The following EPHA6 variants were observed in gnomAD, a reference collection of about 807,000 sequenced individuals.
The protein encoded by EPHA6 is ephrin type-A receptor 6.
In EPHA6, 50 loss-of-function variants were observed where a neutral mutation model predicts 112.0. The ratio of observed to expected loss-of-function variants is 0.45; its 90% confidence interval spans 0.36 to 0.56. The LOEUF is 0.56. Ranked by LOEUF, EPHA6 falls within the 20% of genes least tolerant of loss-of-function variation. The pLI is 0.00. For synonymous variants in EPHA6, 529 were observed against 490.7 expected (o/e 1.08, Z -1.03); for missense variants, 1,280 against 1,417.4 (o/e 0.90, Z 1.56).
intron 14 of EPHA6, among the ~76,000 whole-genome samples, chr3:97,657,638 A>G (rs1359235877): frequency 6.6e-6 from 1 of 151,782 alleles, no homozygotes; most frequent in African/African-American, 2.4e-5. Flanking sequence ...TGACCACTCT[A>G]TTTTACAGAA....
At chr3:97,638,254 A>C (rs2093967810) in intron 14 of EPHA6, among the ~76,000 whole-genome samples, 172 bp downstream of exon 14, 1 of 152,188 alleles carries the variant, frequency 6.6e-6, no homozygotes, top group Non-Finnish European at 1.5e-5. Context: ...GTTTATAACA[A>C]CAACAACAAA....
chr3:97,188,319 G>T (rs191189971), intron 3 of EPHA6, among the ~76,000 whole-genome samples: 262 of 151,932 alleles, frequency 1.7e-3, no homozygotes, highest in African/African-American at 6.0e-3. Flanking sequence ...GATAACTCAA[G>T]AATTAATGTA....
intron 3 of EPHA6, among the ~76,000 whole-genome samples, chr3:97,126,718 TAA>T (rs35157365): frequency 0.021 from 3,161 of 148,414 alleles, 109 homozygotes; most frequent in African/African-American, 0.071. Context: ...TCACCTGTGT[TAA>T]AAAAAAAAAA....
At chr3:97,707,514 G>A (rs1485746974) in intron 14 of EPHA6, among the ~76,000 whole-genome samples, 1 of 152,178 alleles carries the variant, frequency 6.6e-6, no homozygotes, top group Non-Finnish European at 1.5e-5. Context: ...TTTTAGAAAT[G>A]AGAAAAGTTG....
At chr3:96,824,764 G>C (rs58619976) in intron 1 of EPHA6, among the ~76,000 whole-genome samples, 3,447 of 151,994 alleles carry the variant, frequency 0.023, 138 homozygotes, top group African/African-American at 0.079. Context: ...TGTTCTTAAG[G>C]ATATAGGAAT....
chr3:97,427,136 A>C (rs2089184910), intron 6 of EPHA6, among the ~76,000 whole-genome samples: 1 of 152,204 alleles, frequency 6.6e-6, no homozygotes, highest in African/African-American at 2.4e-5. Flanking sequence ...CACTGTGGCG[A>C]TTCCTCAAAG....
chr3:97,434,406 G>T (rs780589935), intron 6 of EPHA6, among the ~76,000 whole-genome samples: 5 of 152,078 alleles, frequency 3.3e-5, no homozygotes, highest in Non-Finnish European at 7.4e-5. Context: ...AGTATGTCCT[G>T]TGTAAACTTT....
intron 10 of EPHA6, among the ~76,000 whole-genome samples, chr3:97,490,815 A>G (rs1357503652): frequency 6.6e-6 from 1 of 152,220 alleles, no homozygotes; most frequent in East Asian, 1.9e-4. Flanking sequence ...TAGCTCCTGC[A>G]CAGTTGCTCA....
chr3:96,987,228 A>T, intron 2 of EPHA6, 102 bp from the exon 3 acceptor site: 4 of 978,332 alleles, frequency 4.1e-6, no homozygotes, highest in Non-Finnish European at 6.1e-6. Flanking sequence ...GTATCCTTTT[A>T]ATTCATTTTT....
intron 3 of EPHA6, among the ~76,000 whole-genome samples, chr3:97,068,999 C>T (rs374273776): frequency 2.0e-5 from 3 of 152,102 alleles, no homozygotes; most frequent in Non-Finnish European, 4.4e-5. Context: ...GGCGCACGTG[C>T]GTATACACAC....
intron 15 of EPHA6, among the ~76,000 whole-genome samples, 161 bp downstream of exon 15, chr3:97,720,571 A>G (rs1197720228): frequency 6.6e-6 from 1 of 152,172 alleles, no homozygotes; most frequent in Non-Finnish European, 1.5e-5. Context: ...TTTCACTCTG[A>G]GCTGTATTTG....
chr3:97,597,292 C>G (rs759479941), intron 12 of EPHA6, among the ~76,000 whole-genome samples: 17 of 152,212 alleles, frequency 1.1e-4, no homozygotes, highest in South Asian at 2.1e-4. Context: ...CTGAGCTTCT[C>G]TCCATTCTAT....
chr3:96,843,426 ACT>A (rs1345017397), intron 1 of EPHA6, among the ~76,000 whole-genome samples: 1 of 151,964 alleles, frequency 6.6e-6, no homozygotes. Context: ...CTTAAATAAG[ACT>A]CTTAAAATAT....
chr3:96,967,096 T>A (rs2042148241), intron 2 of EPHA6, among the ~76,000 whole-genome samples: 1 of 151,532 alleles, frequency 6.6e-6, no homozygotes, highest in South Asian at 2.1e-4. Flanking sequence ...TCATTGATAA[T>A]CCCCTCTTTG....
intron 5 of EPHA6, among the ~76,000 whole-genome samples, chr3:97,355,154 A>C (rs1232266416): frequency 1.3e-5 from 2 of 152,216 alleles, no homozygotes; most frequent in Non-Finnish European, 1.5e-5. Context: ...ATTAAGAAGC[A>C]ATAAGAAATC....
chr3:97,260,902 T>C (rs1004525719), intron 5 of EPHA6, among the ~76,000 whole-genome samples: 4 of 152,188 alleles, frequency 2.6e-5, no homozygotes, highest in Admixed American at 2.0e-4. Context: ...GGAATTTAAA[T>C]GAAGAGTGAT....
At chr3:97,328,591 A>G (rs747455847) in intron 5 of EPHA6, among the ~76,000 whole-genome samples, 12 of 151,920 alleles carry the variant, frequency 7.9e-5, no homozygotes, top group Non-Finnish European at 1.6e-4. Context: ...TGTATAATCT[A>G]AGTACTACTC....
intron 14 of EPHA6, among the ~76,000 whole-genome samples, chr3:97,661,904 G>T (rs750899944): frequency 1.3e-5 from 2 of 152,110 alleles, no homozygotes; most frequent in Admixed American, 6.6e-5. Flanking sequence ...TACAAAATCT[G>T]CACAGCTCTG....
chr3:97,578,663 C>T (rs1032987887), intron 11 of EPHA6, among the ~76,000 whole-genome samples: 12 of 152,256 alleles, frequency 7.9e-5, no homozygotes, highest in Non-Finnish European at 1.5e-4. Flanking sequence ...TTGGAGGATA[C>T]CTTGCCATGT....
Sources: gnomAD v4.1 joint callset for allele counts (sites outside exome capture counted in the v4.1 genomes callset) on GRCh38, gnomAD v4.1.1 for gene constraint, MANE v1.5 for transcripts, NCBI Gene and HGNC (gene_info 2026-07-23, HGNC 2026-07-21) for gene names.